The following WNK1 variants were observed in gnomAD, a reference collection of about 807,000 sequenced individuals.
The protein encoded by WNK1 is WNK lysine deficient protein kinase 1.
In WNK1, 38 loss-of-function variants were observed where a neutral mutation model predicts 222.8. The ratio of observed to expected loss-of-function variants is 0.17; its 90% CI spans 0.13 to 0.22. The LOEUF (loss-of-function observed/expected upper bound fraction) is 0.22, where lower values mean the gene tolerates loss of function less well. WNK1 is among the 10% of genes least tolerant of loss of function. The pLI is 1.00. For synonymous variants in WNK1, 1,090 were observed against 1,092.9 expected (o/e 1.00, Z 0.05); for missense variants, 2,348 against 2,918.4 (o/e 0.80, Z 4.50).
At chr12:795,296 G>GTTTTTTTTTTTTTTTT (rs35447912) in intron 1 of WNK1, among the ~76,000 whole-genome samples, 4 of 133,022 alleles carry the variant, frequency 3.0e-5, no homozygotes, top group Non-Finnish European at 4.8e-5. Flanking sequence ...ATTTTCCGTT[G>GTTTTTTTTTTTTTTTT]TTTTTTTTTT....
At chr12:769,688 C>G (rs1041728445) in intron 1 of WNK1, among the ~76,000 whole-genome samples, 1 of 152,144 alleles carries the variant, frequency 6.6e-6, no homozygotes, top group Non-Finnish European at 1.5e-5. Flanking sequence ...CAGGTGTGCT[C>G]GGCTACTGGG....
intron 4 of WNK1, among the ~76,000 whole-genome samples, chr12:839,784 T>G (rs1949477290): frequency 6.6e-6 from 1 of 152,094 alleles, no homozygotes; most frequent in Non-Finnish European, 1.5e-5. Flanking sequence ...TGGTTCAGTC[T>G]TGTCTCACTG....
At chr12:757,867 C>G (rs1940377923) in intron 1 of WNK1, among the ~76,000 whole-genome samples, 1 of 146,180 alleles carries the variant, frequency 6.8e-6, no homozygotes, top group East Asian at 2.0e-4. Flanking sequence ...GAAACCCCAT[C>G]TCTACTAAAA....
chr12:785,753 C>A (rs1042824053), intron 1 of WNK1, among the ~76,000 whole-genome samples: 1 of 152,076 alleles, frequency 6.6e-6, no homozygotes, highest in Non-Finnish European at 1.5e-5. Flanking sequence ...TTTAGTTGCT[C>A]TTTAATTTTA....
chr12:818,677 T>A (rs1947585043), intron 2 of WNK1, among the ~76,000 whole-genome samples: 1 of 152,220 alleles, frequency 6.6e-6, no homozygotes, highest in South Asian at 2.1e-4. Context: ...TTACCATCTC[T>A]ATGGATTTAT....
At chr12:867,775 A>G (rs1951799253) in intron 8 of WNK1, 1 of 1,385,572 alleles carries the variant, frequency 7.2e-7, no homozygotes, top group Non-Finnish European at 1.0e-6. Context: ...TAACCATTTC[A>G]TAGGGTTACA....
At chr12:797,004 T>C (rs1422823410) in intron 1 of WNK1, among the ~76,000 whole-genome samples, 1 of 152,188 alleles carries the variant, frequency 6.6e-6, no homozygotes, top group African/African-American at 2.4e-5. Context: ...TTATCCAATC[T>C]TCTCTCCTAC....
Position 795,638 on chromosome 12 carries a change from G to T in WNK1, c.760-18004G>T, listed in dbSNP as rs1945247226. On this transcript the variant is annotated intron_variant, in intron 1 of 27. Transcript: ENST00000315939. ...GTGAGTACAGTTAAACCCAGTCTTG[G>T]ATATGTCTTTATCAGCAGCATGAAA... 2.7e-5 allele frequency among the ~76,000 whole-genome samples: 4 copies of T among 148,968 alleles called. No individual in the cohort carries two copies. The Admixed American group carries it at 2.8e-4, about 10-fold the overall frequency.
intron 1 of WNK1, among the ~76,000 whole-genome samples, chr12:805,625 A>G (rs1429651554): frequency 6.6e-6 from 1 of 152,234 alleles, no homozygotes; most frequent in Non-Finnish European, 1.5e-5. Flanking sequence ...TTCAGTTACA[A>G]ATTATAACTG....
Position 889,239 on chromosome 12 carries a change from C to T in WNK1, c.5448+16C>T. 1 of 1,606,626 alleles carries T rather than the reference C, an allele frequency of 6.2e-7. No homozygotes were observed. The highest frequency in any genetic ancestry group is 8.5e-7 in the Non-Finnish European group (1 of 1,173,308). On this transcript the variant is annotated intron_variant, in intron 21 of 27. Coordinates refer to ENST00000315939, the MANE Select transcript of WNK1 (RefSeq NM_018979.4). ...TGCGGTTGGTGTAAGTTTTGAAAATCTTGATAAAATCTCCTCATAACCCTA... is the reference window on the plus strand; with the variant it reads ...TGCGGTTGGTGTAAGTTTTGAAAATTTTGATAAAATCTCCTCATAACCCTA...
At chr12:791,225 C>CCACA (rs141810227) in intron 1 of WNK1, among the ~76,000 whole-genome samples, 8,264 of 145,150 alleles carry the variant, frequency 0.057, 275 homozygotes, top group African/African-American at 0.093. Flanking sequence ...ATTTCTCTCA[C>CCACA]CACACACACA....
At chr12:877,052 ATTTTTTTT>A (rs34011207) in intron 9 of WNK1, among the ~76,000 whole-genome samples, 3 of 77,104 alleles carry the variant, frequency 3.9e-5, no homozygotes, top group Non-Finnish European at 7.1e-5. Context: ...CCTAAACTTC[ATTTTTTTT>A]TTTTTTTTTT....
chr12:809,602 T>C (rs914193824), intron 1 of WNK1, among the ~76,000 whole-genome samples: 2 of 152,178 alleles, frequency 1.3e-5, no homozygotes, highest in African/African-American at 2.4e-5. Flanking sequence ...AATTTTTGCA[T>C]GAGAATTATT....
intron 6 of WNK1, among the ~76,000 whole-genome samples, chr12:859,959 T>C (rs1465736613): frequency 6.6e-6 from 1 of 151,994 alleles, no homozygotes. Flanking sequence ...CAAGTGATCA[T>C]CCCACCTCAG....
At chr12:881,034 G>T in intron 12 of WNK1, 35 bp downstream of exon 12, 4 of 1,612,104 alleles carry the variant, frequency 2.5e-6, no homozygotes, top group South Asian at 2.2e-5. Context: ...TATGTAAAAC[G>T]TATATATGTA....
At chr12:798,846 A>G (rs1591754191) in intron 1 of WNK1, among the ~76,000 whole-genome samples, 1 of 151,844 alleles carries the variant, frequency 6.6e-6, no homozygotes, top group Non-Finnish European at 1.5e-5. Flanking sequence ...TCTCCTAGAT[A>G]TTTTTTTGGT....
chr12:859,814 C>G (rs1400854628), intron 6 of WNK1, among the ~76,000 whole-genome samples: 1 of 151,646 alleles, frequency 6.6e-6, no homozygotes, highest in Non-Finnish European at 1.5e-5. Flanking sequence ...CTCCTGAACT[C>G]AAGCAATCCT....
intron 10 of WNK1, among the ~76,000 whole-genome samples, chr12:878,637 A>G (rs748396242): frequency 6.6e-6 from 1 of 152,118 alleles, no homozygotes; most frequent in Non-Finnish European, 1.5e-5. Context: ...TTGATGTAAC[A>G]GGTATTAGAA....
intron 2 of WNK1, among the ~76,000 whole-genome samples, chr12:814,463 T>C (rs1204086309): frequency 2.6e-5 from 4 of 152,246 alleles, no homozygotes; most frequent in Admixed American, 6.5e-5. Context: ...CCTGCAACTT[T>C]TATATCAGAT....
Sources: allele counts gnomAD v4.1 joint callset (sites outside exome capture counted in the v4.1 genomes callset), GRCh38; gene constraint gnomAD v4.1.1; transcripts MANE v1.5; gene names NCBI Gene and HGNC (gene_info 2026-07-23, HGNC 2026-07-21).